Variants in MAB21L4 observed in about 807,000 individuals in gnomAD.
MAB21L4 encodes protein mab-21-like 4.
Under a neutral mutation model 32.4 loss-of-function variants are expected in MAB21L4, and 25 were observed. The ratio of observed to expected loss-of-function variants is 0.77; its 90% CI spans 0.56 to 1.08. MAB21L4 has a LOEUF of 1.08. Among genes scored for constraint, MAB21L4 ranks in the 50% least tolerant of loss-of-function variants. The pLI is 0.00. For missense variants in MAB21L4, 638 were observed against 611.0 expected (o/e 1.04, Z -0.47); for synonymous variants, 280 against 276.8 (o/e 1.01, Z -0.11).
chr2:240,888,430 C>T lies in MAB21L4; in HGVS notation c.1113G>A (p.Ala371=), dbSNP rs1296558700. Residue 371 remains alanine (A), a synonymous_variant, in exon 4 of 5, where the codon GCG becomes GCA. Coordinates refer to ENST00000388934, the MANE Select transcript of MAB21L4 (RefSeq NM_001085437.3). ...GGTGGGTGGCGTGGATGCGCAGGGC[C>T]GCCTCGGGCTGGCTGGCGAAGCCCT... ...RVEGFASQPE[A]ALRIHATHLG... is the part of the protein sequence containing the mutation. 1.2e-5 allele frequency: 18 copies of T among 1,562,548 alleles called. No individual in the cohort carries two copies. The highest frequency in any genetic ancestry group is 2.4e-5 in the East Asian group (1 of 42,392).
At chr2:240,888,701 T>G (rs2059119143) in intron 3 of MAB21L4, 53 bp from the exon 4 acceptor site, 1 of 1,293,460 alleles carries the variant, frequency 7.7e-7, no homozygotes, top group Non-Finnish European at 1.0e-6. Context: ...GCCCACCCTG[T>G]GCTCCCACCC....
chr2:240,896,021 G>T lies in MAB21L4; in HGVS notation c.-24C>A. The T allele has an allele frequency of 7.0e-7, 1 of 1,427,422 alleles. No individual in the cohort carries two copies. The allele number at this position is 1,427,422 out of a possible 1,614,324, so 88.4% of individuals were successfully genotyped here. On this transcript the variant is annotated 5_prime_UTR_variant, in exon 1 of 5. Transcript: ENST00000388934. ...ATCCCTTCAACAGTGGCAGGTGAGG[G>T]CCAGTGGCCCCTGAGGAGGACTCCG...
intron 3 of MAB21L4, 21 bp downstream of exon 3, chr2:240,889,984 G>A (rs201577827): frequency 1.8e-4 from 280 of 1,591,800 alleles, no homozygotes; most frequent in South Asian, 4.7e-4. Flanking sequence ...CAGACAACCC[G>A]CCGAGTCCCG....
chr2:240,888,575 C>A lies in MAB21L4; in HGVS notation c.968G>T (p.Arg323Leu), dbSNP rs367975163. 50 of 1,607,690 alleles carry A rather than the reference C, an allele frequency of 3.1e-5. No individual in the cohort carries two copies. The highest frequency in any genetic ancestry group is 3.9e-5 in the Non-Finnish European group (46 of 1,178,508). ...DWAELQGAVY[R>L]LLVVLLCCLA... ...GCAACAGAGCAGCACCACCAGCAGG[C>A]GGTACACGGCGCCCTGCAGTTCTGC... is the stretch of plus-strand genomic sequence containing the variant. The change falls in exon 4 of 5, where the codon CGC becomes CTC. Residue 323 changes from arginine (R) to leucine (L), a missense_variant. Arg to Leu is a moderately radical substitution (Grantham distance 102). Transcript: ENST00000388934.
chr2:240,895,138 A>G (rs1175206682), intron 1 of MAB21L4, among the ~76,000 whole-genome samples: 1 of 152,228 alleles, frequency 6.6e-6, no homozygotes, highest in Non-Finnish European at 1.5e-5. Context: ...CCACCAGTGA[A>G]GCAGCTGCCC....
At chr2:240,895,403 C>G (rs1246870283) in intron 1 of MAB21L4, 81 bp downstream of exon 1, 7 of 1,338,654 alleles carry the variant, frequency 5.2e-6, no homozygotes, top group Non-Finnish European at 7.1e-6. Context: ...CACATGTGCA[C>G]TCACACACTT....
intron 1 of MAB21L4, among the ~76,000 whole-genome samples, chr2:240,892,356 G>GC (rs2106440206): frequency 8.1e-6 from 1 of 123,558 alleles, no homozygotes; most frequent in Non-Finnish European, 1.8e-5. Flanking sequence ...CCTGCCCCCT[G>GC]CCCCCTGCCC....
Position 240,888,553 on chromosome 2 carries a change from A to C in MAB21L4, c.990T>G (p.Cys330Trp). Residue 330 changes from cysteine to tryptophan, a missense_variant, in exon 4 of 5, where the codon TGT becomes TGG. Coordinates refer to ENST00000388934, the MANE Select transcript of MAB21L4 (RefSeq NM_001085437.3). ...GGGGCAGCTTCCGCGTGGCCAGGCA[A>C]CAGAGCAGCACCACCAGCAGGCGGT... ...AVYRLLVVLL[C>W]CLATRKLPHF... is the part of the protein sequence containing the mutation. 2 of 1,608,860 alleles carry C rather than the reference A, an allele frequency of 1.2e-6. No homozygotes were observed. The highest frequency in any genetic ancestry group is 1.7e-6 in the Non-Finnish European group (2 of 1,179,290).
chr2:240,892,332 ACCT>A (rs2059157402), intron 1 of MAB21L4, among the ~76,000 whole-genome samples: 1 of 147,464 alleles, frequency 6.8e-6, no homozygotes, highest in South Asian at 2.2e-4. Flanking sequence ...CCCAGAACTC[ACCT>A]CCTCCTCCCC....
rs2059186095 is a variant in MAB21L4, at chr2:240,896,064, TG to T, written c.-68del. ...GGACTCCGCAGGCCAGCTGTGCAGA[TG>T]GGCTGTGAGGAGGCACCTGCCCAGG... On this transcript the variant is annotated 5_prime_UTR_variant, in exon 1 of 5. Coordinates refer to ENST00000388934, the MANE Select transcript of MAB21L4 (RefSeq NM_001085437.3). 7.1e-7 allele frequency: 1 copy of T among 1,400,626 alleles called. No individual in the cohort carries two copies. The highest frequency in any genetic ancestry group is 1.5e-5 in the African/African-American group (1 of 68,268). The allele number at this position is 1,400,626 out of a possible 1,614,324, so 86.8% of individuals were successfully genotyped here.
intron 1 of MAB21L4, among the ~76,000 whole-genome samples, chr2:240,894,480 G>A (rs1000913547): frequency 3.3e-5 from 5 of 152,170 alleles, no homozygotes; most frequent in Non-Finnish European, 7.3e-5. Flanking sequence ...GGAGCCCTGG[G>A]CTCAGACTCA....
At chr2:240,888,921 C>A (rs11893121) in intron 3 of MAB21L4, among the ~76,000 whole-genome samples, 81,262 of 150,950 alleles carry the variant, frequency 0.54, 23,022 homozygotes, top group African/African-American at 0.73. Flanking sequence ...CCTTTCACCC[C>A]CCAGGACCTC....
At position 240,888,378 on chromosome 2, in the gene MAB21L4, C is replaced by G; in HGVS notation, c.1165G>C (p.Gly389Arg). 6.4e-7 allele frequency: 1 copy of G among 1,565,376 alleles called. No individual in the cohort carries two copies. Among genetic ancestry groups the G allele is most frequent in the African/African-American group, 1.4e-5 (1 of 72,754 alleles). ...TGCAGGAGCGCCTTGAGCCCGGAGC[C>G]GATGCGCGGCGGGGGGCTGCGGCCC... ...HLGRSPPPRI[G>R]SGLKALLQLP... The change falls in exon 4 of 5, where the codon GGC becomes CGC. Residue 389 changes from glycine to arginine, a missense_variant. By Grantham distance (125) the Gly-to-Arg change is moderately radical. Coordinates refer to ENST00000388934, the MANE Select transcript of MAB21L4 (RefSeq NM_001085437.3).
At chr2:240,888,706 C>T in intron 3 of MAB21L4, 58 bp from the exon 4 acceptor site, 1 of 1,260,908 alleles carries the variant, frequency 7.9e-7, no homozygotes, top group Non-Finnish European at 1.1e-6. Context: ...CCCTGTGCTC[C>T]CACCCTGCGC....
At position 240,891,524 on chromosome 2, in the gene MAB21L4, G is replaced by T. The variant is rs749839311; in HGVS notation, c.740+14C>A. 1.7e-5 allele frequency: 27 copies of T among 1,593,432 alleles called. No individual in the cohort carries two copies. Among genetic ancestry groups the T allele is most frequent in the Non-Finnish European group, 2.2e-5 (26 of 1,168,416 alleles). On this transcript the variant is annotated intron_variant, in intron 2 of 4. Coordinates refer to ENST00000388934, the MANE Select transcript of MAB21L4 (RefSeq NM_001085437.3). The stretch of plus-strand genomic sequence containing the variant: ...CCCTCCCCAAGAACCTTGTGACCAG[G>T]AGGGTGCGCCTACCTCCAGAGCTGG...
chr2:240,892,953 C>T (rs1341701688), intron 1 of MAB21L4, among the ~76,000 whole-genome samples: 1 of 152,176 alleles, frequency 6.6e-6, no homozygotes, highest in Non-Finnish European at 1.5e-5. Context: ...TTGCCCTACC[C>T]CCCCAAAAAC....
At chr2:240,891,500 C>G (rs1212429331) in intron 2 of MAB21L4, 38 bp downstream of exon 2, 1 of 1,534,106 alleles carries the variant, frequency 6.5e-7, no homozygotes, top group Non-Finnish European at 8.8e-7. Flanking sequence ...CTTCCTGCCC[C>G]CTCCCCAAGA....
At chr2:240,887,220 C>T in intron 4 of MAB21L4, 58 bp from the exon 5 acceptor site, 2 of 1,413,138 alleles carry the variant, frequency 1.4e-6, no homozygotes, top group South Asian at 2.3e-5. Flanking sequence ...CCATGATAAG[C>T]TCTCAGGGCC....
At chr2:240,893,176 AG>A (rs2059164693) in intron 1 of MAB21L4, among the ~76,000 whole-genome samples, 1 of 152,194 alleles carries the variant, frequency 6.6e-6, no homozygotes, top group African/African-American at 2.4e-5. Context: ...GCCTTGGGAA[AG>A]GTCCCCATCA....
Sources: allele counts gnomAD v4.1 joint callset (sites outside exome capture counted in the v4.1 genomes callset), GRCh38; gene constraint gnomAD v4.1.1; transcripts MANE v1.5; gene names NCBI Gene and HGNC (gene_info 2026-07-23, HGNC 2026-07-21).